Variants in MEA1 observed in about 807,000 individuals in gnomAD.
The protein encoded by MEA1 is male-enhanced antigen 1, also known as Male-enhanced antigen (H-Y structural gene).
Under a neutral mutation model 21.4 loss-of-function variants are expected in MEA1, and 22 were observed. That is an observed-to-expected ratio of 1.03 (90% CI 0.73 to 1.47). The LOEUF (loss-of-function observed/expected upper bound fraction) is 1.47. Ranked by LOEUF, MEA1 falls within the 40% of genes most tolerant of loss-of-function variation. The pLI is 0.00. For missense variants in MEA1, 233 were observed against 230.5 expected, an observed-to-expected ratio of 1.01 and a Z score of -0.07; for synonymous variants, 91 against 85.5, an observed-to-expected ratio of 1.06 and a Z score of -0.35.
In MEA1 at chr6:43,013,251, T is replaced by A. The variant is rs1241387910; in HGVS notation, c.167A>T (p.Glu56Val). Residue 56 changes from glutamate to valine, a missense_variant, in exon 2 of 4, where the codon GAA becomes GTA. Glu to Val is a moderately radical substitution (Grantham distance 121). Coordinates refer to ENST00000244711, the MANE Select transcript of MEA1 (RefSeq NM_014623.4). ...TGDWSSEEPE[E>V]EQEETGSGPA... ...GCCCGACCCCGTTTCCTCCTGCTCT[T>A]CCTCAGGCTCCTCACTGCTCCAATC... 5.0e-6 allele frequency: 8 copies of A among 1,614,056 alleles called. No individual in the cohort carries two copies. The African/African-American group carries it at 9.3e-5, about 19-fold the overall frequency.
chr6:43,012,043 G>T lies in MEA1; in HGVS notation c.*427C>A. ...GGGCTGACTGCTTTTCTGTGCTGTTGGTTCCCAAAACTAGAAAGAAGGAAG... is the reference window on the plus strand; with the variant it reads ...GGGCTGACTGCTTTTCTGTGCTGTTTGTTCCCAAAACTAGAAAGAAGGAAG... On this transcript the variant is annotated 3_prime_UTR_variant, in exon 4 of 4. Coordinates refer to ENST00000244711, the MANE Select transcript of MEA1 (RefSeq NM_014623.4). The T allele has an allele frequency of 3.7e-6, 1 of 273,652 alleles. No homozygotes were observed. Among genetic ancestry groups the T allele is most frequent in the Non-Finnish European group, 5.6e-6 (1 of 178,038 alleles). 17.0% of individuals were successfully genotyped at this position (273,652 alleles called of 1,614,324 possible).
Position 43,011,647 on chromosome 6 carries a change from G to A in MEA1, c.*823C>T, listed in dbSNP as rs989078092. 8 of 255,518 alleles carry A rather than the reference G, an allele frequency of 3.1e-5. No individual in the cohort carries two copies. The highest frequency in any genetic ancestry group is 1.1e-4 in the South Asian group (2 of 17,686). 15.8% of individuals were successfully genotyped at this position (255,518 alleles called of 1,614,324 possible). A position where few individuals can be genotyped will look rare whatever the true frequency, so the allele number is the denominator to read the frequency against. Reference sequence around the variant, plus strand: ...TTCTTCCCTTCATCCTCATTTGAACGCCAGGTATCTCCCCTCCTCTCTCTC... The same window carrying A: ...TTCTTCCCTTCATCCTCATTTGAACACCAGGTATCTCCCCTCCTCTCTCTC... On this transcript the variant is annotated 3_prime_UTR_variant, in exon 4 of 4. Transcript: ENST00000244711.
rs2150288124 is a variant in MEA1 at position 43,013,866 on chromosome 6, A to T, written c.-53T>A. On this transcript the variant is annotated 5_prime_UTR_variant, in exon 1 of 4. Coordinates refer to ENST00000244711, the MANE Select transcript of MEA1 (RefSeq NM_014623.4). Reference sequence around the variant, plus strand: ...AGCGTCCCCCACCCGCCCCCATCCGAATCCCGGCGCCGGTGTTCCCGCGCG... The same window carrying T: ...AGCGTCCCCCACCCGCCCCCATCCGTATCCCGGCGCCGGTGTTCCCGCGCG... 11 of 1,385,088 alleles carry T rather than the reference A, an allele frequency of 7.9e-6. No individual in the cohort carries two copies. The South Asian group carries it at 1.3e-4, about 16-fold the overall frequency. 85.8% of individuals were successfully genotyped at this position (1,385,088 alleles called of 1,614,324 possible).
upstream of MEA1, among the ~76,000 whole-genome samples, chr6:43,015,852 TAAAAAA>T (rs561042959): frequency 2.0e-5 from 2 of 100,544 alleles, no homozygotes; most frequent in Non-Finnish European, 4.0e-5. Context: ...AGACTTCATC[TAAAAAA>T]AAAAAAAAAA....
Position 43,011,376 on chromosome 6 carries a change from G to T in MEA1, c.*1094C>A. ...TACTCTGCTCCCTACTGGCTGTCTTGGGGGAAGGCAGCGCCTCTCTAGCTA... is the reference window on the plus strand; with the variant it reads ...TACTCTGCTCCCTACTGGCTGTCTTTGGGGAAGGCAGCGCCTCTCTAGCTA... On this transcript the variant is annotated 3_prime_UTR_variant, in exon 4 of 4. Coordinates refer to ENST00000244711, the MANE Select transcript of MEA1 (RefSeq NM_014623.4). 3.3e-6 allele frequency: 5 copies of T among 1,536,728 alleles called. No homozygotes were observed. The highest frequency in any genetic ancestry group is 4.4e-6 in the Non-Finnish European group (5 of 1,131,112).
In MEA1 at chr6:43,012,128, T is replaced by A. The variant is rs904808911; in HGVS notation, c.*342A>T. 1 of 856,616 alleles carries A rather than the reference T, an allele frequency of 1.2e-6. No homozygotes were observed. The highest frequency in any genetic ancestry group is 1.4e-6 in the Non-Finnish European group (1 of 701,246). 53.1% of individuals were successfully genotyped at this position (856,616 alleles called of 1,614,324 possible). On this transcript the variant is annotated 3_prime_UTR_variant, in exon 4 of 4. Coordinates refer to ENST00000244711, the MANE Select transcript of MEA1 (RefSeq NM_014623.4). ...CACCTATTTATTTCCTTGTTTGTGC[T>A]ATGCTGGGCAGGCCTTCTCTTGTCC...
chr6:43,013,246 G>C lies in MEA1; in HGVS notation c.172C>G (p.Gln58Glu), dbSNP rs778667067. The C allele has an allele frequency of 3.0e-5, 48 of 1,613,996 alleles. No homozygotes were observed. Among genetic ancestry groups the C allele is most frequent in the Non-Finnish European group, 3.7e-5 (44 of 1,180,030 alleles). The part of the protein sequence containing the change: ...DWSSEEPEEE[Q>E]EETGSGPAGY... ...GCTGGGCCCGACCCCGTTTCCTCCT[G>C]CTCTTCCTCAGGCTCCTCACTGCTC... Residue 58 changes from glutamine to glutamate, a missense_variant, in exon 2 of 4, where the codon CAG (glutamine) becomes GAG (glutamate). Physicochemically the swap from Gln to Glu is conservative, Grantham distance 29. Coordinates refer to ENST00000244711, the MANE Select transcript of MEA1 (RefSeq NM_014623.4).
chr6:43,014,764 C>T (rs1443761183), upstream of MEA1, among the ~76,000 whole-genome samples: 1 of 151,802 alleles, frequency 6.6e-6, no homozygotes, highest in African/African-American at 2.4e-5. Flanking sequence ...AAATGGAGGG[C>T]TGTTGGGTGG....
intron 1 of MEA1, 180 bp from the exon 2 acceptor site, chr6:43,013,569 T>C: frequency 1.2e-6 from 1 of 842,736 alleles, no homozygotes; most frequent in African/African-American, 1.7e-5. Flanking sequence ...AAGTCGGGGT[T>C]CTTATCTTGA....
At chr6:43,015,912 C>T (rs1366857891), upstream of MEA1, among the ~76,000 whole-genome samples, 1 of 150,836 alleles carries the variant, frequency 6.6e-6, no homozygotes, top group Non-Finnish European at 1.5e-5. Flanking sequence ...TCTTGTCCTG[C>T]CCAAGGGCAT....
upstream of MEA1, chr6:43,014,600 C>T (rs778389194): frequency 1.1e-5 from 5 of 457,426 alleles, no homozygotes; most frequent in African/African-American, 4.0e-5. Flanking sequence ...GCCATGAAAA[C>T]AGGGAAGCTG....
intron 3 of MEA1, 45 bp downstream of exon 3, chr6:43,012,881 T>C: frequency 1.3e-6 from 2 of 1,551,250 alleles, no homozygotes; most frequent in Non-Finnish European, 1.8e-6. Context: ...TCATGCCAGT[T>C]CATTTCCTTA....
At chr6:43,015,852 TA>T (rs561042959), upstream of MEA1, among the ~76,000 whole-genome samples, 351 of 100,562 alleles carry the variant, frequency 3.5e-3, 1 homozygote, top group Admixed American at 6.2e-3. Flanking sequence ...AGACTTCATC[TA>T]AAAAAAAAAA....
Position 43,012,085 on chromosome 6 carries a change from A to G in MEA1, c.*385T>C. The G allele has an allele frequency of 1.9e-6, 1 of 532,248 alleles. No homozygotes were observed. Among genetic ancestry groups the G allele is most frequent in the Non-Finnish European group, 2.4e-6 (1 of 413,434 alleles). 33.0% of individuals were successfully genotyped at this position (532,248 alleles called of 1,614,324 possible). ...AGAAGGAAGCAGGGAGCGGTGCCCC[A>G]AGCATGGCTCCTGCCAACACCTATT... On this transcript the variant is annotated 3_prime_UTR_variant, in exon 4 of 4. Coordinates refer to ENST00000244711, the MANE Select transcript of MEA1 (RefSeq NM_014623.4).
chr6:43,013,057 C>T (rs758887440), intron 2 of MEA1, 29 bp from the exon 3 acceptor site: 1 of 1,614,132 alleles, frequency 6.2e-7, no homozygotes, highest in Non-Finnish European at 8.5e-7. Flanking sequence ...CCGTTTGGGT[C>T]TAGGCTTTCA....
At chr6:43,015,189 A>G (rs183998821), upstream of MEA1, among the ~76,000 whole-genome samples, 5 of 152,150 alleles carry the variant, frequency 3.3e-5, no homozygotes, top group East Asian at 7.7e-4. Flanking sequence ...CAGACCCAAG[A>G]TATTTTGGAG....
chr6:43,012,902 C>T (rs1339147090), intron 3 of MEA1, 24 bp downstream of exon 3: 1 of 1,598,054 alleles, frequency 6.3e-7, no homozygotes, highest in Non-Finnish European at 8.6e-7. Flanking sequence ...GTAATTATTC[C>T]AGAATGAAAG....
chr6:43,014,220 T>C (rs977874195), upstream of MEA1: 4 of 1,247,442 alleles, frequency 3.2e-6, no homozygotes, highest in Non-Finnish European at 4.3e-6. Flanking sequence ...CGCGCACAGC[T>C]GCCCGCCGGA....
At position 43,012,640 on chromosome 6, in the gene MEA1, G is replaced by A; in HGVS notation, c.407-19C>T. ...ACATGTTCTGAAATCAGAGCCAGAG[G>A]CCATTCAGGCATAGAAATAATGGGA... is the stretch of plus-strand genomic sequence containing the variant. On this transcript the variant is annotated intron_variant, in intron 3 of 3. Transcript: ENST00000244711. The A allele has an allele frequency of 6.3e-7, 1 of 1,583,436 alleles. No individual in the cohort carries two copies. Among genetic ancestry groups the A allele is most frequent in the South Asian group, 1.2e-5 (1 of 86,882 alleles).
Sources: allele counts gnomAD v4.1 joint callset (sites outside exome capture counted in the v4.1 genomes callset), GRCh38; gene constraint gnomAD v4.1.1; transcripts MANE v1.5; gene names NCBI Gene and HGNC (gene_info 2026-07-23, HGNC 2026-07-21).